XG: variants seen among roughly 807,000 people sequenced by gnomAD.
XG encodes the protein glycoprotein Xg.
XG carries 24 observed loss-of-function variants against 25.7 expected under a neutral mutation model. The ratio of observed to expected loss-of-function variants is 0.93; its 90% CI spans 0.68 to 1.31. The LOEUF (loss-of-function observed/expected upper bound fraction) is 1.31, where lower values mean the gene tolerates loss of function less well. XG is among the 40% of genes most tolerant of loss of function. The pLI is 0.00. For missense variants in XG, 181 were observed against 187.6 expected (o/e 0.96, Z 0.21); for synonymous variants, 77 against 69.2 (o/e 1.11, Z -0.56).
intron 3 of XG, among the ~76,000 whole-genome samples, chrX:2,777,588 G>A (rs867804861): frequency 6.6e-6 from 1 of 151,656 alleles, no homozygotes; most frequent in African/African-American, 2.4e-5. Flanking sequence ...GCCAGGCTTT[G>A]TCTCAAAAAT....
At chrX:2,788,652 C>T (rs766449471) in intron 4 of XG, among the ~76,000 whole-genome samples, 37 of 110,653 alleles carry the variant, frequency 3.3e-4, no homozygotes, top group African/African-American at 1.1e-3. Flanking sequence ...GTCAGAAGTT[C>T]GAGACCAGCC....
At chrX:2,794,952 A>G (rs1468001520) in intron 6 of XG, among the ~76,000 whole-genome samples, 17 of 111,461 alleles carry the variant, frequency 1.5e-4, no homozygotes, top group African/African-American at 5.2e-4. Flanking sequence ...ATGCTTATCA[A>G]TCTTCATTTG....
At chrX:2,810,297 T>C (rs1465568441) in intron 9 of XG, among the ~76,000 whole-genome samples, 1 of 111,450 alleles carries the variant, frequency 9.0e-6, no homozygotes, top group African/African-American at 3.3e-5. Flanking sequence ...TTGGAAGTGT[T>C]GATTTTTGTC....
chrX:2,756,796 G>A (rs1420356608), intron 1 of XG, among the ~76,000 whole-genome samples: 1 of 152,148 alleles, frequency 6.6e-6, no homozygotes, highest in Non-Finnish European at 1.5e-5. Context: ...CTTGCAGACG[G>A]GCAGGTGCAG....
intron 6 of XG, among the ~76,000 whole-genome samples, chrX:2,795,294 TTAAA>T (rs1301388542): frequency 1.9e-5 from 2 of 107,933 alleles, no homozygotes; most frequent in South Asian, 7.8e-4. Context: ...ATGTATATCT[TTAAA>T]TACATATACA....
At chrX:2,761,178 G>C (rs1302384304) in intron 1 of XG, among the ~76,000 whole-genome samples, 3 of 152,174 alleles carry the variant, frequency 2.0e-5, no homozygotes, top group Non-Finnish European at 4.4e-5. Context: ...CTTTAAAGAG[G>C]TGAGAAGGGT....
Position 2,788,172 on chromosome X carries a change from G to A in XG, c.191-1472G>A, listed in dbSNP as rs182298369. Among the ~76,000 whole-genome samples the A allele has an allele frequency of 2.8e-3, 318 of 112,375 alleles. 1 individual carries two copies. The highest frequency in any genetic ancestry group is 0.01 in the African/African-American group (312 of 31,005). On this transcript the variant is annotated intron_variant, in intron 4 of 10. Transcript: ENST00000644266. The stretch of plus-strand genomic sequence containing the variant: ...GCCCAGATTTCCAGTGTTCTGAGAC[G>A]TCTGTCCTGAGGAAGGACTTTGAGA...
At chrX:2,777,819 A>G (rs2534629) in intron 3 of XG, among the ~76,000 whole-genome samples, 59,907 of 151,332 alleles carry the variant, frequency 0.4, 9,665 homozygotes, top group African/African-American at 0.5. Context: ...CCAGCACTGT[A>G]GGAAGCCGAG....
At chrX:2,752,658 G>A (rs1308509285) in intron 1 of XG, among the ~76,000 whole-genome samples, 5 of 152,174 alleles carry the variant, frequency 3.3e-5, no homozygotes, top group Admixed American at 3.3e-4. Flanking sequence ...AAGCATGACT[G>A]GGTGTGTGTG....
chrX:2,806,588 T>C (rs2087000109), intron 7 of XG, 113 bp from the exon 8 acceptor site: 5 of 662,313 alleles, frequency 7.5e-6, no homozygotes, highest in Non-Finnish European at 1.2e-5. Flanking sequence ...TTGGAATCTC[T>C]GCAGCTTTTA....
intron 3 of XG, among the ~76,000 whole-genome samples, chrX:2,778,822 G>T (rs1218713636): frequency 6.7e-6 from 1 of 149,864 alleles, no homozygotes; most frequent in African/African-American, 2.5e-5. Context: ...CACCCAGGCT[G>T]CAGTGCAGTG....
At chrX:2,776,380 T>A (rs1235720535) in intron 3 of XG, among the ~76,000 whole-genome samples, 2 of 151,796 alleles carry the variant, frequency 1.3e-5, no homozygotes, top group African/African-American at 4.8e-5. Context: ...TACAAGGTGA[T>A]AGACGCGGGG....
At chrX:2,770,149 G>C (rs779594827) in intron 1 of XG, among the ~76,000 whole-genome samples, 184 of 152,274 alleles carry the variant, frequency 1.2e-3, no homozygotes, top group African/African-American at 4.2e-3. Flanking sequence ...CAGGAATGAA[G>C]CTCTGACACA....
intron 1 of XG, among the ~76,000 whole-genome samples, chrX:2,764,906 T>G (rs185314786): frequency 8.5e-4 from 127 of 149,822 alleles, no homozygotes; most frequent in African/African-American, 2.7e-3. Flanking sequence ...CTGGGCGTAG[T>G]GGCATGCACC....
intron 7 of XG, among the ~76,000 whole-genome samples, chrX:2,802,165 T>A (rs779271493): frequency 9.0e-6 from 1 of 110,917 alleles, no homozygotes; most frequent in African/African-American, 3.3e-5. Context: ...GTTTTGCTTT[T>A]TTTTCTTTAA....
intron 1 of XG, among the ~76,000 whole-genome samples, chrX:2,766,854 C>G (rs144832326): frequency 1.5e-4 from 23 of 152,188 alleles, no homozygotes; most frequent in African/African-American, 5.3e-4. Flanking sequence ...TGTGAGCCAC[C>G]GCGCCCAGCC....
intron 1 of XG, among the ~76,000 whole-genome samples, chrX:2,767,313 G>A (rs759349570): frequency 6.6e-6 from 1 of 152,122 alleles, no homozygotes; most frequent in East Asian, 1.9e-4. Flanking sequence ...TTTACCGGGG[G>A]CTCATGTGTA....
rs1422008914 is a variant in XG at position 2,816,043 on chromosome X, A to T, written c.*1663A>T. On this transcript the variant is annotated 3_prime_UTR_variant, in exon 11 of 11. Coordinates refer to ENST00000644266, the MANE Select transcript of XG (RefSeq NM_001141919.2). ...CGTAGCTGTGAATATGATGCCATAA[A>T]TCTCTTTTAAAGCTCAAGATAGACT... The T allele has an allele frequency of 8.9e-6, 1 of 112,278 alleles. No individual in the cohort carries two copies. Among genetic ancestry groups the T allele is most frequent in the African/African-American group, 3.2e-5 (1 of 30,911 alleles). 9.3% of individuals were successfully genotyped at this position (112,278 alleles called of 1,213,427 possible). A position where few individuals can be genotyped will look rare whatever the true frequency, so the allele number is the denominator to read the frequency against.
chrX:2,773,593 AGGAGAGAAGGAAG>A, intron 2 of XG, among the ~76,000 whole-genome samples: 11 of 59,064 alleles, frequency 1.9e-4, no homozygotes, highest in African/African-American at 5.1e-4. Flanking sequence ...GAAGGAAGGA[AGGAGAGAAGGAAG>A]GAAGGAGAGA....
Sources: allele counts gnomAD v4.1 joint callset (sites outside exome capture counted in the v4.1 genomes callset), GRCh38; gene constraint gnomAD v4.1.1; transcripts MANE v1.5; gene names NCBI Gene and HGNC (gene_info 2026-07-23, HGNC 2026-07-21).